PTPRT: variants seen among roughly 807,000 people sequenced by gnomAD.
The protein encoded by PTPRT is receptor-type tyrosine-protein phosphatase T.
A neutral mutation model predicts 176.8 loss-of-function variants in PTPRT; 56 were observed. The ratio of observed to expected loss-of-function variants is 0.32; its 90% CI spans 0.26 to 0.40. The LOEUF is 0.40. Ranked by LOEUF, PTPRT falls within the 10% of genes least tolerant of loss-of-function variation. The pLI is 1.00. For synonymous variants in PTPRT, 783 were observed against 739.0 expected (o/e 1.06, Z -0.96); for missense variants, 1,540 against 1,908.2 (o/e 0.81, Z 3.60).
At position 42,230,338 on chromosome 20, in the gene PTPRT, T is replaced by C. The variant is rs540821188; in HGVS notation, c.2342+5891A>G. On this transcript the variant is annotated intron_variant, in intron 15 of 30. Coordinates refer to ENST00000373187, the MANE Select transcript of PTPRT (RefSeq NM_007050.6). ...ACGTGCTCTCTCTCAGCCAGAACAA[T>C]TGGTAAACACCTTCGCGCTTTCTCA... Among the ~76,000 whole-genome samples, 7 of 152,298 alleles carry C rather than the reference T, an allele frequency of 4.6e-5. No individual in the cohort carries two copies. The East Asian group carries it at 7.7e-4, about 17-fold the overall frequency.
At chr20:43,081,611 A>AT (rs1459655995) in intron 1 of PTPRT, among the ~76,000 whole-genome samples, 2 of 151,916 alleles carry the variant, frequency 1.3e-5, no homozygotes, top group African/African-American at 2.4e-5. Flanking sequence ...CCTTTTATTG[A>AT]TTTTTACTCT....
At chr20:42,192,130 T>G (rs184330006) in intron 16 of PTPRT, among the ~76,000 whole-genome samples, 1 of 152,140 alleles carries the variant, frequency 6.6e-6, no homozygotes, top group African/African-American at 2.4e-5. Flanking sequence ...GCAAAATGAC[T>G]GACCCAGAGA....
At chr20:42,335,060 T>A (rs1333251084) in intron 11 of PTPRT, among the ~76,000 whole-genome samples, 6 of 152,120 alleles carry the variant, frequency 3.9e-5, no homozygotes, top group Non-Finnish European at 7.4e-5. Context: ...CCACATGTGA[T>A]GAGATAAAGA....
intron 22 of PTPRT, among the ~76,000 whole-genome samples, chr20:42,113,081 T>C (rs1987090009): frequency 1.3e-5 from 2 of 152,130 alleles, no homozygotes; most frequent in Non-Finnish European, 2.9e-5. Context: ...CAGGAACCGA[T>C]TTTGAGCTAA....
intron 7 of PTPRT, among the ~76,000 whole-genome samples, chr20:42,614,973 A>T (rs1190973373): frequency 7.0e-6 from 1 of 142,862 alleles, no homozygotes; most frequent in African/African-American, 2.7e-5. Context: ...TTTAGGGTAC[A>T]TGTGCACATT....
At chr20:42,237,532 C>T (rs182678048) in intron 14 of PTPRT, among the ~76,000 whole-genome samples, 69 of 152,276 alleles carry the variant, frequency 4.5e-4, no homozygotes, top group African/African-American at 1.6e-3. Flanking sequence ...CACCAAAGCA[C>T]CTATTTTATA....
chr20:42,593,849 C>T (rs1011168322), intron 7 of PTPRT, among the ~76,000 whole-genome samples: 1 of 152,116 alleles, frequency 6.6e-6, no homozygotes, highest in Admixed American at 6.5e-5. Context: ...GGTAAATAGC[C>T]CCTTTGTTAA....
intron 27 of PTPRT, among the ~76,000 whole-genome samples, chr20:42,094,165 C>T (rs1436750713): frequency 6.6e-6 from 1 of 152,144 alleles, no homozygotes; most frequent in Non-Finnish European, 1.5e-5. Flanking sequence ...TGCCTGAGCT[C>T]TGGTTTTGCA....
chr20:43,134,966 G>A (rs866789320), intron 1 of PTPRT, among the ~76,000 whole-genome samples: 2 of 152,084 alleles, frequency 1.3e-5, no homozygotes, highest in African/African-American at 2.4e-5. Context: ...ACCTGTTCAC[G>A]CCAGTAGCAC....
intron 7 of PTPRT, among the ~76,000 whole-genome samples, chr20:42,548,763 T>G (rs561885855): frequency 6.6e-6 from 1 of 152,232 alleles, no homozygotes; most frequent in African/African-American, 2.4e-5. Flanking sequence ...GAAAATTTAA[T>G]AGAAAACACA....
chr20:42,508,920 TATAA>T (rs915099764), intron 7 of PTPRT, among the ~76,000 whole-genome samples: 1 of 144,908 alleles, frequency 6.9e-6, no homozygotes. Flanking sequence ...AATTTATAAA[TATAA>T]ATAATATAAT....
intron 7 of PTPRT, among the ~76,000 whole-genome samples, chr20:42,515,198 G>A (rs548041706): frequency 1.9e-4 from 29 of 152,134 alleles, no homozygotes; most frequent in Non-Finnish European, 1.2e-4. Flanking sequence ...AAGAACCATG[G>A]ACAAGTTTGG....
At chr20:42,245,521 C>G (rs1294057966) in intron 14 of PTPRT, among the ~76,000 whole-genome samples, 1 of 152,214 alleles carries the variant, frequency 6.6e-6, no homozygotes, top group Non-Finnish European at 1.5e-5. Flanking sequence ...AACAAAACAC[C>G]TCTCAAGTTT....
intron 11 of PTPRT, among the ~76,000 whole-genome samples, chr20:42,330,265 G>A (rs2057948731): frequency 6.6e-6 from 1 of 152,116 alleles, no homozygotes; most frequent in Non-Finnish European, 1.5e-5. Context: ...GAGATCGGGA[G>A]TTCAACACTA....
chr20:42,057,468 C>A, the PTPRT span, among the ~76,000 whole-genome samples: 1 of 152,196 alleles, frequency 6.6e-6, no homozygotes, highest in South Asian at 2.1e-4. Flanking sequence ...TGGCCTATAT[C>A]TTCCCCATCT....
chr20:42,352,398 T>G, intron 9 of PTPRT, 113 bp from the exon 10 acceptor site: 1 of 1,025,888 alleles, frequency 9.7e-7, no homozygotes, highest in Non-Finnish European at 1.5e-6. Flanking sequence ...GCATGTGAAC[T>G]TGGCCAGCAG....
At chr20:42,050,544 C>A in the PTPRT span, among the ~76,000 whole-genome samples, 2 of 152,140 alleles carry the variant, frequency 1.3e-5, no homozygotes. Flanking sequence ...CCACAATGGA[C>A]CATGTATTGG....
chr20:42,928,366 G>A (rs1392650922), intron 1 of PTPRT, among the ~76,000 whole-genome samples: 1 of 152,240 alleles, frequency 6.6e-6, no homozygotes, highest in African/African-American at 2.4e-5. Flanking sequence ...GTCCAGACAG[G>A]ACACAGATGA....
intron 1 of PTPRT, among the ~76,000 whole-genome samples, chr20:43,167,203 T>C (rs2014880049): frequency 6.6e-6 from 1 of 152,226 alleles, no homozygotes; most frequent in Non-Finnish European, 1.5e-5. Flanking sequence ...CTCCCTCAAC[T>C]GTCATAAGAA....
Sources: gnomAD v4.1 joint callset for allele counts (sites outside exome capture counted in the v4.1 genomes callset) on GRCh38, gnomAD v4.1.1 for gene constraint, MANE v1.5 for transcripts, NCBI Gene and HGNC (gene_info 2026-07-23, HGNC 2026-07-21) for gene names.